The following DCLK2 variants were observed in gnomAD, a reference collection of about 807,000 sequenced individuals.
DCLK2 encodes the protein doublecortin like kinase 2.
A neutral mutation model predicts 78.4 loss-of-function variants in DCLK2; 31 were observed. The ratio of observed to expected loss-of-function variants is 0.40; its 90% CI spans 0.30 to 0.53. The LOEUF is 0.53. Among genes scored for constraint, DCLK2 ranks in the 20% least tolerant of loss-of-function variants. DCLK2 has a pLI of 0.61. For synonymous variants in DCLK2, 407 were observed against 374.9 expected (o/e 1.09, Z -0.99); for missense variants, 872 against 973.7 (o/e 0.90, Z 1.39).
In DCLK2 at chr4:150,248,313, C is replaced by A; in HGVS notation, c.1884C>A (p.Ile628=). Residue 628 remains isoleucine, a synonymous_variant, in exon 14 of 16, where the codon ATC becomes ATA. Transcript: ENST00000296550. ...TGTTTGTTTATTTGTAGGAATTAAT[C>A]AGTCAAATGCTTCAGGTAAATGTTG... ...DNITDSAKEL[I]SQMLQVNVEA... 2 of 1,613,662 alleles carry A rather than the reference C, an allele frequency of 1.2e-6. No homozygotes were observed. Among genetic ancestry groups the A allele is most frequent in the East Asian group, 4.5e-5 (2 of 44,896 alleles).
chr4:150,176,416 G>A (rs1737092856), intron 2 of DCLK2, among the ~76,000 whole-genome samples: 1 of 152,114 alleles, frequency 6.6e-6, no homozygotes, highest in Non-Finnish European at 1.5e-5. Flanking sequence ...AGCTCATGGT[G>A]ACCTACCTAA....
At chr4:150,176,921 T>C (rs1222716702) in intron 2 of DCLK2, among the ~76,000 whole-genome samples, 5 of 152,226 alleles carry the variant, frequency 3.3e-5, no homozygotes, top group Non-Finnish European at 4.4e-5. Context: ...CCCAGTTTAA[T>C]TGACACCCCT....
At position 150,091,769 on chromosome 4, in the gene DCLK2, ATGTGTGTGTGTGTGTG is replaced by A. The variant is rs57146406; in HGVS notation, c.422-10685_422-10670del. Among the ~76,000 whole-genome samples, 7 of 117,112 alleles carry A rather than the reference ATGTGTGTGTGTGTGTG, an allele frequency of 6.0e-5. No homozygotes were observed. The East Asian group carries it at 9.3e-4, about 15-fold the overall frequency. The allele number at this position is 117,112 out of a possible 152,430, so 76.8% of individuals were successfully genotyped here. A position where few individuals can be genotyped will look rare whatever the true frequency, so the allele number is the denominator to read the frequency against. On this transcript the variant is annotated intron_variant, in intron 1 of 15. Coordinates refer to ENST00000296550, the MANE Select transcript of DCLK2 (RefSeq NM_001040260.4). The stretch of plus-strand genomic sequence containing the variant: ...GTTCTTTGTCCTAAAAGGAACATTT[ATGTGTGTGTGTGTGTG>A]TGTGTGTGTGTGTGTGTGTGTGTAT...
chr4:150,232,502 C>T lies in DCLK2; in HGVS notation c.1419+46C>T. On this transcript the variant is annotated intron_variant, in intron 9 of 15. Transcript: ENST00000296550. ...TCTTGGTGCCTAGTCCCACAATTTA[C>T]AACATCCTTGAAGGACCTAATCAGA... 1.9e-6 allele frequency: 3 copies of T among 1,603,302 alleles called. No individual in the cohort carries two copies. The South Asian group carries it at 3.4e-5, about 18-fold the overall frequency.
At chr4:150,139,809 A>C (rs992429571) in intron 2 of DCLK2, among the ~76,000 whole-genome samples, 4 of 152,228 alleles carry the variant, frequency 2.6e-5, no homozygotes, top group African/African-American at 9.6e-5. Context: ...TTTTGAGTCA[A>C]GTGTACATTC....
In DCLK2 at chr4:150,256,947, A is replaced by C. The variant is rs1015960716; in HGVS notation, c.*700A>C. On this transcript the variant is annotated 3_prime_UTR_variant, in exon 16 of 16. Coordinates refer to ENST00000296550, the MANE Select transcript of DCLK2 (RefSeq NM_001040260.4). ...TTCATTCATACACAGACGATGGAAG[A>C]AGCCACTTCTTCCCTGGGCGGTGTG... 2 of 152,248 alleles carry C rather than the reference A, an allele frequency of 1.3e-5. No individual in the cohort carries two copies. The highest frequency in any genetic ancestry group is 6.5e-5 in the Admixed American group (1 of 15,290). 9.4% of individuals were successfully genotyped at this position (152,248 alleles called of 1,614,324 possible).
chr4:150,141,691 C>T (rs1386861357), intron 2 of DCLK2, among the ~76,000 whole-genome samples: 3 of 152,148 alleles, frequency 2.0e-5, no homozygotes, highest in Admixed American at 6.5e-5. Context: ...CAATGATAAA[C>T]CTGAGGTGTA....
At chr4:150,100,702 CAT>C (rs1730825762) in intron 1 of DCLK2, among the ~76,000 whole-genome samples, 1 of 152,150 alleles carries the variant, frequency 6.6e-6, no homozygotes, top group South Asian at 2.1e-4. Context: ...CCCATTAATG[CAT>C]ATGTGTGGTT....
chr4:150,155,727 A>G (rs536798658), intron 2 of DCLK2, among the ~76,000 whole-genome samples: 5 of 152,284 alleles, frequency 3.3e-5, no homozygotes, highest in East Asian at 1.9e-4. Context: ...TTGTACATCA[A>G]TAAGATTGGG....
At chr4:150,100,665 A>G (rs988691440) in intron 1 of DCLK2, among the ~76,000 whole-genome samples, 8 of 152,234 alleles carry the variant, frequency 5.3e-5, no homozygotes, top group Admixed American at 3.9e-4. Context: ...TACTTTCTCT[A>G]TAAAGTTAAA....
rs1204165693 is a variant in DCLK2, at chr4:150,218,086, C to T, written c.1057-2617C>T. On this transcript the variant is annotated intron_variant, in intron 5 of 15. Coordinates refer to ENST00000296550, the MANE Select transcript of DCLK2 (RefSeq NM_001040260.4). The stretch of plus-strand genomic sequence containing the variant: ...CTCTCTCGCTCTCTCTCTCCTCCCC[C>T]GCCCCCCCTCCCCCCACAACGAGGC... Among the ~76,000 whole-genome samples the T allele has an allele frequency of 7.8e-5, 11 of 141,678 alleles. No individual in the cohort carries two copies. The East Asian group carries it at 1.2e-3, about 16-fold the overall frequency. The allele number at this position is 141,678 out of a possible 152,430, so 92.9% of individuals were successfully genotyped here.
intron 2 of DCLK2, among the ~76,000 whole-genome samples, chr4:150,185,440 C>A (rs751284493): frequency 2.6e-5 from 4 of 151,502 alleles, no homozygotes; most frequent in Non-Finnish European, 5.9e-5. Context: ...TTTAATCAGA[C>A]CTCGCCTGGC....
At position 150,149,599 on chromosome 4, in the gene DCLK2, T is replaced by C. The variant is rs138090210; in HGVS notation, c.757-43539T>C. ...GCATGAAGGGAGGTATTTTGGTTTTTGGTTTGTGGAGCTTTTTTGCTTAAC... is the reference window on the plus strand; with the variant it reads ...GCATGAAGGGAGGTATTTTGGTTTTCGGTTTGTGGAGCTTTTTTGCTTAAC... On this transcript the variant is annotated intron_variant, in intron 2 of 15. Transcript: ENST00000296550. Among the ~76,000 whole-genome samples, 543 of 152,342 alleles carry C rather than the reference T, an allele frequency of 3.6e-3. 4 individuals are homozygous for C. Among genetic ancestry groups the C allele is most frequent in the African/African-American group, 0.011 (466 of 41,582 alleles).
intron 15 of DCLK2, chr4:150,253,572 C>A: frequency 1.6e-6 from 2 of 1,289,552 alleles, no homozygotes; most frequent in African/African-American, 1.5e-5. Context: ...CACCACGCTG[C>A]GTCCGACCAG....
At chr4:150,092,200 G>T (rs1180194599) in intron 1 of DCLK2, among the ~76,000 whole-genome samples, 2 of 152,096 alleles carry the variant, frequency 1.3e-5, no homozygotes, top group Non-Finnish European at 2.9e-5. Flanking sequence ...TTCCTTATCA[G>T]TTCATCCATC....
intron 2 of DCLK2, among the ~76,000 whole-genome samples, chr4:150,122,186 A>G (rs1041857952): frequency 1.2e-4 from 18 of 152,192 alleles, no homozygotes; most frequent in African/African-American, 4.3e-4. Context: ...CTGCTTTATC[A>G]ACTAAGTTTA....
intron 2 of DCLK2, among the ~76,000 whole-genome samples, chr4:150,153,860 G>C (rs1457680344): frequency 1.3e-5 from 2 of 152,134 alleles, no homozygotes; most frequent in Non-Finnish European, 2.9e-5. Context: ...CAAGTGCTTT[G>C]TCCTCAGGAC....
At chr4:150,172,760 TGGGGGG>T (rs34505816) in intron 2 of DCLK2, among the ~76,000 whole-genome samples, 4 of 125,006 alleles carry the variant, frequency 3.2e-5, no homozygotes, top group Non-Finnish European at 5.2e-5. Context: ...TTTTTTTTTT[TGGGGGG>T]GGGGGGGATA....
At chr4:150,121,848 G>A (rs1732568018) in intron 2 of DCLK2, among the ~76,000 whole-genome samples, 2 of 152,296 alleles carry the variant, frequency 1.3e-5, no homozygotes, top group South Asian at 2.1e-4. Context: ...AAAACAACAT[G>A]GATCTCTCTG....
Sources: gnomAD v4.1 joint callset for allele counts (sites outside exome capture counted in the v4.1 genomes callset) on GRCh38, gnomAD v4.1.1 for gene constraint, MANE v1.5 for transcripts, NCBI Gene and HGNC (gene_info 2026-07-23, HGNC 2026-07-21) for gene names.